The following KLF12 variants were observed in gnomAD, a reference collection of about 807,000 sequenced individuals.
KLF12 encodes Krueppel-like factor 12.
KLF12 carries 9 observed loss-of-function variants against 37.8 expected under a neutral mutation model. That is an observed-to-expected ratio of 0.24 (90% CI 0.14 to 0.42). The LOEUF is 0.42. KLF12 is among the 10% of genes least tolerant of loss of function. KLF12 has a pLI of 1.00. For synonymous variants in KLF12, 208 were observed against 202.1 expected (o/e 1.03, Z -0.25); for missense variants, 411 against 516.0 (o/e 0.80, Z 1.97).
At chr13:74,217,275 G>C in the KLF12 span, among the ~76,000 whole-genome samples, 2 of 151,102 alleles carry the variant, frequency 1.3e-5, no homozygotes, top group African/African-American at 2.4e-5. Flanking sequence ...CAATTGAAGA[G>C]ATTGTGTACC....
At chr13:73,963,234 T>C (rs1356993802) in intron 2 of KLF12, among the ~76,000 whole-genome samples, 2 of 151,052 alleles carry the variant, frequency 1.3e-5, no homozygotes, top group Admixed American at 6.6e-5. Context: ...GATAGAAAAA[T>C]CAAAGTTTCT....
intron 3 of KLF12, among the ~76,000 whole-genome samples, chr13:73,893,537 A>C (rs889548957): frequency 6.6e-6 from 1 of 151,908 alleles, no homozygotes; most frequent in Non-Finnish European, 1.5e-5. Context: ...GCGCGCTGCT[A>C]TACCTGGCTA....
chr13:73,850,441 C>A lies in KLF12; in HGVS notation c.124-4068G>T, dbSNP rs934224438. Among the ~76,000 whole-genome samples, 5 of 152,314 alleles carry A rather than the reference C, an allele frequency of 3.3e-5. No individual in the cohort carries two copies. In the East Asian group the frequency reaches 9.6e-4, roughly 29 times the overall value. ...CCCAGAGTACTAGATGTGTTTCCTA[C>A]AGTTATCTATTGCTATCAACTGAAT... On this transcript the variant is annotated intron_variant, in intron 3 of 7. Coordinates refer to ENST00000377669, the MANE Select transcript of KLF12 (RefSeq NM_007249.5).
At chr13:73,699,507 A>T (rs1282593451) in intron 7 of KLF12, among the ~76,000 whole-genome samples, 2 of 152,120 alleles carry the variant, frequency 1.3e-5, no homozygotes, top group African/African-American at 4.8e-5. Flanking sequence ...AAGTACAATA[A>T]CCTCACCTAT....
chr13:73,908,716 G>T (rs184447558), intron 3 of KLF12, among the ~76,000 whole-genome samples: 2 of 152,114 alleles, frequency 1.3e-5, no homozygotes, highest in East Asian at 3.9e-4. Context: ...CTGACCTCAG[G>T]TGATCTGCCC....
intron 3 of KLF12, among the ~76,000 whole-genome samples, chr13:73,885,661 C>T (rs1343471923): frequency 2.0e-5 from 3 of 152,110 alleles, no homozygotes; most frequent in African/African-American, 7.2e-5. Context: ...AAAGAGAATT[C>T]TAGGAACAGA....
intron 7 of KLF12, among the ~76,000 whole-genome samples, chr13:73,712,754 A>C (rs1200246895): frequency 3.3e-5 from 5 of 152,216 alleles, no homozygotes; most frequent in African/African-American, 1.2e-4. Flanking sequence ...AGCAGCCATC[A>C]ACACAGAGGC....
intron 1 of KLF12, among the ~76,000 whole-genome samples, chr13:74,073,713 G>A (rs1349480193): frequency 6.6e-6 from 1 of 152,128 alleles, no homozygotes; most frequent in Non-Finnish European, 1.5e-5. Context: ...CAAATACAAA[G>A]TATAAGGATT....
At chr13:73,877,762 A>G (rs1371515272) in intron 3 of KLF12, among the ~76,000 whole-genome samples, 2 of 152,118 alleles carry the variant, frequency 1.3e-5, no homozygotes, top group African/African-American at 4.8e-5. Flanking sequence ...CTTCATTTCT[A>G]TGAAGATCTT....
chr13:73,810,468 T>G (rs571912130), intron 5 of KLF12, among the ~76,000 whole-genome samples: 1 of 152,174 alleles, frequency 6.6e-6, no homozygotes, highest in South Asian at 2.1e-4. Flanking sequence ...ATTTATTTGT[T>G]TATTTAGGCC....
At chr13:74,234,294 C>T in the KLF12 span, among the ~76,000 whole-genome samples, 1 of 152,306 alleles carries the variant, frequency 6.6e-6, no homozygotes, top group African/African-American at 2.4e-5. Flanking sequence ...TGTGAAGCAG[C>T]ATAACACAGT....
chr13:74,281,125 G>C, the KLF12 span, among the ~76,000 whole-genome samples: 1 of 151,222 alleles, frequency 6.6e-6, no homozygotes. Context: ...CCCCCTTTTA[G>C]ATCTCATTTT....
intron 4 of KLF12, among the ~76,000 whole-genome samples, chr13:73,845,432 C>T (rs904247769): frequency 6.6e-6 from 1 of 152,128 alleles, no homozygotes; most frequent in Admixed American, 6.6e-5. Flanking sequence ...AACAAAGAAA[C>T]ATCCGGATTT....
intron 1 of KLF12, among the ~76,000 whole-genome samples, chr13:74,085,201 T>C (rs773449133): frequency 1.5e-4 from 23 of 152,206 alleles, no homozygotes; most frequent in Non-Finnish European, 2.8e-4. Context: ...TTTCAAAACA[T>C]CTTTACTGAA....
At chr13:73,959,886 AC>A (rs1890967141) in intron 2 of KLF12, among the ~76,000 whole-genome samples, 1 of 152,148 alleles carries the variant, frequency 6.6e-6, no homozygotes, top group Non-Finnish European at 1.5e-5. Context: ...AACCACCACC[AC>A]CTTTTGAAAG....
intron 1 of KLF12, among the ~76,000 whole-genome samples, chr13:74,018,416 A>T (rs545412770): frequency 6.6e-6 from 1 of 152,338 alleles, no homozygotes; most frequent in South Asian, 2.1e-4. Context: ...GATATACTGT[A>T]TTCTTGAAAA....
intron 3 of KLF12, among the ~76,000 whole-genome samples, chr13:73,853,099 C>T (rs912007398): frequency 2.0e-5 from 3 of 152,000 alleles, no homozygotes; most frequent in Non-Finnish European, 4.4e-5. Context: ...GATCTCCTGA[C>T]CTCGTGATCC....
At chr13:73,998,863 G>A (rs1041510803) in intron 1 of KLF12, among the ~76,000 whole-genome samples, 27 of 152,202 alleles carry the variant, frequency 1.8e-4, no homozygotes, top group Admixed American at 1.2e-3. Context: ...TAAGTGCTAC[G>A]TTTTCATAGC....
At chr13:74,076,876 T>C (rs9530273) in intron 1 of KLF12, among the ~76,000 whole-genome samples, 97,748 of 151,930 alleles carry the variant, frequency 0.64, 33,764 homozygotes, top group East Asian at 0.85. Context: ...AGCTCCCACT[T>C]GTAATTGAGA....
Sources: allele counts gnomAD v4.1 joint callset (sites outside exome capture counted in the v4.1 genomes callset), GRCh38; gene constraint gnomAD v4.1.1; transcripts MANE v1.5; gene names NCBI Gene and HGNC (gene_info 2026-07-23, HGNC 2026-07-21).